Variants in PRKAR2B observed in about 807,000 individuals in gnomAD.
PRKAR2B encodes the protein cAMP-dependent protein kinase type II-beta regulatory subunit.
Under a neutral mutation model 49.9 loss-of-function variants are expected in PRKAR2B, and 14 were observed. That is an observed-to-expected ratio of 0.28 (90% confidence interval 0.19 to 0.44). The LOEUF is 0.44. PRKAR2B is among the 20% of genes least tolerant of loss of function. PRKAR2B has a pLI of 1.00. For synonymous variants in PRKAR2B, 196 were observed against 197.7 expected, an observed-to-expected ratio of 0.99 and a Z score of 0.07; for missense variants, 393 against 537.9, an observed-to-expected ratio of 0.73 and a Z score of 2.67.
intron 2 of PRKAR2B, among the ~76,000 whole-genome samples, chr7:107,117,522 G>A (rs918299250): frequency 1.3e-5 from 2 of 152,152 alleles, no homozygotes; most frequent in Non-Finnish European, 2.9e-5. Flanking sequence ...AGCGTCTAGA[G>A]TGTGCAAGAC....
intron 4 of PRKAR2B, among the ~76,000 whole-genome samples, chr7:107,137,697 G>T (rs1480751735): frequency 6.6e-6 from 1 of 152,104 alleles, no homozygotes; most frequent in African/African-American, 2.4e-5. Flanking sequence ...TTCCCACACG[G>T]TCTCCAACAC....
chr7:107,101,844 A>G (rs1794971773), intron 2 of PRKAR2B, among the ~76,000 whole-genome samples: 1 of 119,984 alleles, frequency 8.3e-6, no homozygotes, highest in South Asian at 2.9e-4. Flanking sequence ...AATTTGTTGT[A>G]TGCCTTTGGT....
intron 2 of PRKAR2B, among the ~76,000 whole-genome samples, chr7:107,118,248 C>G (rs1489809046): frequency 6.6e-6 from 1 of 152,196 alleles, no homozygotes; most frequent in Non-Finnish European, 1.5e-5. Flanking sequence ...CTCATTTTCA[C>G]TCATCCTCTC....
chr7:107,079,229 G>GCAGAC (rs1026192512), intron 2 of PRKAR2B, among the ~76,000 whole-genome samples: 7 of 152,142 alleles, frequency 4.6e-5, no homozygotes, highest in African/African-American at 1.7e-4. Flanking sequence ...CCAGTGCACT[G>GCAGAC]CAGACCAGCA....
At chr7:107,159,358 T>G in intron 10 of PRKAR2B, 91 bp from the exon 11 acceptor site, 3 of 1,204,376 alleles carry the variant, frequency 2.5e-6, no homozygotes, top group Non-Finnish European at 3.6e-6. Context: ...ATTGCACTAT[T>G]GATATATATG....
At chr7:107,063,025 A>G (rs1349619801) in intron 1 of PRKAR2B, among the ~76,000 whole-genome samples, 1 of 151,972 alleles carries the variant, frequency 6.6e-6, no homozygotes, top group Non-Finnish European at 1.5e-5. Flanking sequence ...TTTTTTTGAA[A>G]CTGTGTCTCA....
intron 2 of PRKAR2B, among the ~76,000 whole-genome samples, chr7:107,076,725 G>A (rs1794405648): frequency 6.6e-6 from 1 of 152,002 alleles, no homozygotes; most frequent in South Asian, 2.1e-4. Context: ...TAATTTTGTG[G>A]TATATTTTTA....
intron 2 of PRKAR2B, among the ~76,000 whole-genome samples, chr7:107,119,014 A>G (rs1795340729): frequency 6.6e-6 from 1 of 152,224 alleles, no homozygotes; most frequent in Non-Finnish European, 1.5e-5. Flanking sequence ...ACACTATGTG[A>G]TAAAGTGGGT....
chr7:107,080,721 G>A (rs535635747), intron 2 of PRKAR2B, among the ~76,000 whole-genome samples: 2 of 152,160 alleles, frequency 1.3e-5, no homozygotes, highest in Non-Finnish European at 2.9e-5. Flanking sequence ...TAATGAGAGC[G>A]CTGTAACCGT....
At position 107,153,186 on chromosome 7, in the gene PRKAR2B, C is replaced by T. The variant is rs1204029640; in HGVS notation, c.853C>T (p.Arg285Cys). The change falls in exon 8 of 11, where the codon CGC becomes TGC. Residue 285 changes from arginine to cysteine, a missense_variant. Transcript: ENST00000265717. The part of the protein sequence containing the change: ...PFLKSLEFSE[R>C]LKVVDVIGTK... ...TTTTCTTTCTTTGTAGTTTTCTGAACGCCTGAAAGTAGTAGATGTGATAGG... is the reference window on the plus strand; with the variant it reads ...TTTTCTTTCTTTGTAGTTTTCTGAATGCCTGAAAGTAGTAGATGTGATAGG... The T allele has an allele frequency of 6.2e-6, 10 of 1,605,622 alleles. No homozygotes were observed. The highest frequency in any genetic ancestry group is 4.0e-5 in the African/African-American group (3 of 74,508).
chr7:107,122,433 GA>G (rs1795405754), intron 3 of PRKAR2B, among the ~76,000 whole-genome samples: 1 of 152,072 alleles, frequency 6.6e-6, no homozygotes, highest in African/African-American at 2.4e-5. Flanking sequence ...TTAAATCTGT[GA>G]GTCTTCATAG....
At chr7:107,091,795 C>T (rs1320521418) in intron 2 of PRKAR2B, 3 of 152,160 alleles carry the variant, frequency 2.0e-5, no homozygotes, top group Non-Finnish European at 2.9e-5. Flanking sequence ...TCAAGAATAA[C>T]CTGGACGATA....
intron 2 of PRKAR2B, among the ~76,000 whole-genome samples, chr7:107,107,336 C>CAA (rs548269284): frequency 1.4e-5 from 2 of 139,644 alleles, no homozygotes; most frequent in African/African-American, 5.2e-5. Context: ...GACTCCATCT[C>CAA]AAAAAAAAAA....
chr7:107,157,490 T>G (rs1031803151), intron 10 of PRKAR2B, among the ~76,000 whole-genome samples, 166 bp downstream of exon 10: 5 of 152,236 alleles, frequency 3.3e-5, no homozygotes, highest in African/African-American at 1.2e-4. Context: ...GTGGAAGCCA[T>G]TTTTTCTTCG....
intron 2 of PRKAR2B, among the ~76,000 whole-genome samples, chr7:107,108,818 T>C (rs192500732): frequency 3.3e-5 from 5 of 152,312 alleles, no homozygotes; most frequent in African/African-American, 9.6e-5. Flanking sequence ...TATTCCTTCA[T>C]GGTTGCCAGG....
chr7:107,086,744 C>G (rs774156402), intron 2 of PRKAR2B, among the ~76,000 whole-genome samples: 1 of 152,028 alleles, frequency 6.6e-6, no homozygotes, highest in Non-Finnish European at 1.5e-5. Context: ...ATTAGGCATG[C>G]GCCCCCTCAC....
chr7:107,054,161 A>G (rs1793866021), intron 1 of PRKAR2B, among the ~76,000 whole-genome samples: 1 of 152,142 alleles, frequency 6.6e-6, no homozygotes, highest in South Asian at 2.1e-4. Flanking sequence ...CATCCTGACT[A>G]ACTTGGTGAA....
chr7:107,060,586 A>G (rs1024221644), intron 1 of PRKAR2B, among the ~76,000 whole-genome samples: 2 of 150,568 alleles, frequency 1.3e-5, no homozygotes, highest in Non-Finnish European at 3.0e-5. Context: ...TTTCTTACTG[A>G]TTTGTAGAAG....
At chr7:107,138,106 T>C (rs1238750377) in intron 4 of PRKAR2B, among the ~76,000 whole-genome samples, 1 of 152,204 alleles carries the variant, frequency 6.6e-6, no homozygotes, top group African/African-American at 2.4e-5. Flanking sequence ...TTTTTTGAGG[T>C]GTTTGGTTTT....
Sources: allele counts gnomAD v4.1 joint callset (sites outside exome capture counted in the v4.1 genomes callset), GRCh38; gene constraint gnomAD v4.1.1; transcripts MANE v1.5; gene names NCBI Gene and HGNC (gene_info 2026-07-23, HGNC 2026-07-21).